Variants in CLSTN2 observed in about 807,000 individuals in gnomAD.
CLSTN2 encodes calsyntenin 2.
A neutral mutation model predicts 101.2 loss-of-function variants in CLSTN2; 48 were observed. The observed-to-expected ratio is 0.47, with a 90% CI of 0.38 to 0.60. The LOEUF is 0.60. Ranked by LOEUF, CLSTN2 falls within the 20% of genes least tolerant of loss-of-function variation. The pLI, the probability that CLSTN2 is intolerant of heterozygous loss-of-function variation, is 0.00. For synonymous variants in CLSTN2, 481 were observed against 463.6 expected, an observed-to-expected ratio of 1.04 and a Z score of -0.48; for missense variants, 1,160 against 1,238.2, an observed-to-expected ratio of 0.94 and a Z score of 0.95.
chr3:140,237,049 A>G (rs1053654453), intron 2 of CLSTN2, among the ~76,000 whole-genome samples: 3 of 152,030 alleles, frequency 2.0e-5, no homozygotes, highest in Non-Finnish European at 4.4e-5. Context: ...GACTCTTTGC[A>G]TGCCAAATAA....
intron 1 of CLSTN2, among the ~76,000 whole-genome samples, chr3:140,111,152 G>A (rs2009149696): frequency 6.6e-6 from 1 of 152,194 alleles, no homozygotes; most frequent in Non-Finnish European, 1.5e-5. Flanking sequence ...TAGAGAGACA[G>A]TCTGCAGTAG....
At chr3:140,325,850 C>G (rs1039224479) in intron 2 of CLSTN2, among the ~76,000 whole-genome samples, 1 of 152,132 alleles carries the variant, frequency 6.6e-6, no homozygotes, top group Non-Finnish European at 1.5e-5. Flanking sequence ...GTAGGGTGGA[C>G]GCGTCAGGTT....
At position 140,566,396 on chromosome 3, in the gene CLSTN2, G is replaced by A; in HGVS notation, c.*143G>A. 1 of 782,858 alleles carries A rather than the reference G, an allele frequency of 1.3e-6. No individual in the cohort carries two copies. The highest frequency in any genetic ancestry group is 2.7e-5 in the East Asian group (1 of 37,344). 48.5% of individuals were successfully genotyped at this position (782,858 alleles called of 1,614,324 possible). ...CAGCTTCCTGGAGCCCACCCTTTAA[G>A]CCTTGGGCACTCCCTGTGTTTCATC... On this transcript the variant is annotated 3_prime_UTR_variant, in exon 17 of 17. Transcript: ENST00000458420.
intron 9 of CLSTN2, among the ~76,000 whole-genome samples, chr3:140,536,941 C>G (rs1227888122): frequency 2.0e-5 from 3 of 152,198 alleles, no homozygotes; most frequent in Non-Finnish European, 4.4e-5. Flanking sequence ...ATATTCACAT[C>G]CTCCTTGAAG....
intron 2 of CLSTN2, among the ~76,000 whole-genome samples, chr3:140,230,378 G>T (rs896181990): frequency 4.6e-5 from 7 of 152,234 alleles, no homozygotes; most frequent in Non-Finnish European, 7.3e-5. Context: ...AGCTAGTCTA[G>T]TGCTTGAAGC....
rs773171447 is a variant in CLSTN2 at position 140,563,061 on chromosome 3, C to T, written c.2359-19C>T. 7 of 1,613,796 alleles carry T rather than the reference C, an allele frequency of 4.3e-6. No individual in the cohort carries two copies. Among genetic ancestry groups the T allele is most frequent in the South Asian group, 1.1e-5 (1 of 91,026 alleles). ...CCTGCCACTCCTGGGTCAATAGCAC[C>T]TCTCCCCACTCTTCCCAGGTCAGCA... On this transcript the variant is annotated intron_variant, in intron 14 of 16. Coordinates refer to ENST00000458420, the MANE Select transcript of CLSTN2 (RefSeq NM_022131.3).
chr3:140,490,435 C>T (rs914932841), intron 8 of CLSTN2, among the ~76,000 whole-genome samples: 5 of 151,406 alleles, frequency 3.3e-5, no homozygotes, highest in Admixed American at 2.6e-4. Flanking sequence ...GGGCATCCCA[C>T]GGACACTTAT....
chr3:140,224,679 T>G (rs957641990), intron 2 of CLSTN2, among the ~76,000 whole-genome samples: 2 of 152,326 alleles, frequency 1.3e-5, no homozygotes. Context: ...GAGTCTTACA[T>G]AATAATATAG....
chr3:140,268,289 G>A (rs1200201999), intron 2 of CLSTN2, among the ~76,000 whole-genome samples: 1 of 152,146 alleles, frequency 6.6e-6, no homozygotes, highest in Admixed American at 6.5e-5. Flanking sequence ...GGATGTGTGT[G>A]CATGCATTCT....
intron 2 of CLSTN2, among the ~76,000 whole-genome samples, chr3:140,267,417 G>A (rs1050080643): frequency 2.0e-5 from 3 of 152,042 alleles, no homozygotes; most frequent in African/African-American, 7.2e-5. Context: ...CCAATTCCTT[G>A]GTCTACTGCA....
At chr3:140,420,977 T>C (rs558393228) in intron 4 of CLSTN2, 148 bp from the exon 5 acceptor site, 136 of 836,394 alleles carry the variant, frequency 1.6e-4, no homozygotes, top group Admixed American at 1.6e-4. Flanking sequence ...AGTGGAGCCA[T>C]GCTCCTGTTT....
intron 1 of CLSTN2, among the ~76,000 whole-genome samples, chr3:140,110,607 T>G (rs1343841000): frequency 6.6e-6 from 1 of 152,242 alleles, no homozygotes; most frequent in Non-Finnish European, 1.5e-5. Flanking sequence ...CCTTGGAGGA[T>G]AGATATATTG....
At chr3:139,944,579 G>C (rs1935186781) in intron 1 of CLSTN2, among the ~76,000 whole-genome samples, 1 of 152,170 alleles carries the variant, frequency 6.6e-6, no homozygotes, top group Admixed American at 6.5e-5. Flanking sequence ...TGTCTCCCAG[G>C]GTGGCTGTGA....
chr3:140,002,451 T>C (rs556431089), intron 1 of CLSTN2, among the ~76,000 whole-genome samples: 1 of 152,354 alleles, frequency 6.6e-6, no homozygotes, highest in East Asian at 1.9e-4. Context: ...TTATATATTA[T>C]GGTTATTAAT....
chr3:140,470,097 C>T (rs1172905671), intron 8 of CLSTN2, among the ~76,000 whole-genome samples: 1 of 152,218 alleles, frequency 6.6e-6, no homozygotes, highest in Non-Finnish European at 1.5e-5. Flanking sequence ...ATTTTAACTC[C>T]TGGCCTACCT....
intron 2 of CLSTN2, among the ~76,000 whole-genome samples, chr3:140,185,775 G>A (rs2010477401): frequency 6.6e-6 from 1 of 152,188 alleles, no homozygotes; most frequent in Non-Finnish European, 1.5e-5. Context: ...GGAGTACCCT[G>A]TCAGCAGAGG....
chr3:140,022,685 G>A (rs1345176152), intron 1 of CLSTN2, among the ~76,000 whole-genome samples: 3 of 152,190 alleles, frequency 2.0e-5, no homozygotes, highest in Non-Finnish European at 4.4e-5. Context: ...GTGGAGAATG[G>A]GATGGAGGTG....
chr3:140,237,422 G>A (rs1311155234), intron 2 of CLSTN2, among the ~76,000 whole-genome samples: 1 of 152,116 alleles, frequency 6.6e-6, no homozygotes. Context: ...TTTCTCATGT[G>A]CATCTTCTGA....
At position 140,144,549 on chromosome 3, in the gene CLSTN2, T is replaced by C. The variant is rs150087477; in HGVS notation, c.110-31402T>C. Among the ~76,000 whole-genome samples, 1,371 of 151,982 alleles carry C rather than the reference T, an allele frequency of 9.0e-3. 23 individuals carry two copies. The highest frequency in any genetic ancestry group is 0.03 in the African/African-American group (1,239 of 41,452). On this transcript the variant is annotated intron_variant, in intron 1 of 16. Coordinates refer to ENST00000458420, the MANE Select transcript of CLSTN2 (RefSeq NM_022131.3). Reference sequence around the variant, plus strand: ...GAGAATTGCTTGAACCCAGGAGGCGTAGGTTGCAGTGAGCCAAGATCGCGC... The same window carrying C: ...GAGAATTGCTTGAACCCAGGAGGCGCAGGTTGCAGTGAGCCAAGATCGCGC...
Sources: gnomAD v4.1 joint callset for allele counts (sites outside exome capture counted in the v4.1 genomes callset) on GRCh38, gnomAD v4.1.1 for gene constraint, MANE v1.5 for transcripts, NCBI Gene and HGNC (gene_info 2026-07-23, HGNC 2026-07-21) for gene names.